The following TMEM67 variants were observed in gnomAD, a reference collection of about 807,000 sequenced individuals.
TMEM67 encodes the protein meckelin.
A neutral mutation model predicts 136.6 loss-of-function variants in TMEM67; 124 were observed. The observed-to-expected ratio is 0.91, with a 90% CI of 0.78 to 1.05. The LOEUF (loss-of-function observed/expected upper bound fraction) is 1.05, where lower values mean the gene tolerates loss of function less well. TMEM67 is among the 50% of genes least tolerant of loss of function. TMEM67 has a pLI of 0.00. For synonymous variants in TMEM67, 364 were observed against 390.5 expected (o/e 0.93, Z 0.80); for missense variants, 1,107 against 1,178.4 (o/e 0.94, Z 0.89).
intron 23 of TMEM67, among the ~76,000 whole-genome samples, chr8:93,808,450 T>G (rs1194925435): frequency 0.011 from 5 of 468 alleles, no homozygotes; most frequent in Middle Eastern, 0.5. Flanking sequence ...ATTTATTATA[T>G]ATAAATATAT....
chr8:93,789,612 T>G (rs1814276275), intron 14 of TMEM67, among the ~76,000 whole-genome samples: 1 of 149,362 alleles, frequency 6.7e-6, no homozygotes, highest in African/African-American at 2.5e-5. Context: ...GCCATTGCAC[T>G]CCAGCCTGGG....
At chr8:93,761,163 G>T (rs1812812878) in intron 3 of TMEM67, among the ~76,000 whole-genome samples, 2 of 152,102 alleles carry the variant, frequency 1.3e-5, no homozygotes, top group Non-Finnish European at 2.9e-5. Context: ...GCCTGGCATG[G>T]TGGCACATGC....
intron 18 of TMEM67, among the ~76,000 whole-genome samples, chr8:93,796,518 A>T (rs1260500977): frequency 6.6e-6 from 1 of 152,074 alleles, no homozygotes; most frequent in Non-Finnish European, 1.5e-5. Flanking sequence ...TGCTTTTTCC[A>T]CTGACTGGGA....
At position 93,781,619 on chromosome 8, in the gene TMEM67, A is replaced by G. The variant is rs1374358935; in HGVS notation, c.979-39A>G. The G allele has an allele frequency of 7.2e-6, 7 of 970,322 alleles. No homozygotes were observed. In the African/African-American group the frequency reaches 1.1e-4, roughly 16 times the overall value. 60.1% of individuals were successfully genotyped at this position (970,322 alleles called of 1,614,324 possible). A position where few individuals can be genotyped will look rare whatever the true frequency, so the allele number is the denominator to read the frequency against. ...CTTTATAGGATATTGTATTACTTTCAGAGTATTTGACCTGATTTTGCTCGT... is the reference window on the plus strand; with the variant it reads ...CTTTATAGGATATTGTATTACTTTCGGAGTATTTGACCTGATTTTGCTCGT... On this transcript the variant is annotated intron_variant, in intron 9 of 27. Coordinates refer to ENST00000453321, the MANE Select transcript of TMEM67 (RefSeq NM_153704.6).
In TMEM67 at chr8:93,786,266, A is replaced by T. The variant is rs1271809364; in HGVS notation, c.1332A>T (p.Leu444Phe). ...GGCTTCTAACTCGGCGCATTTTCTTAGTGGATGCAGTAAGTGGACGAGAAA... is the reference window on the plus strand; with the variant it reads ...GGCTTCTAACTCGGCGCATTTTCTTTGTGGATGCAGTAAGTGGACGAGAAA... ...GKWLLTRRIF[L>F]VDAVSGREND... The change falls in exon 13 of 28, where the codon TTA (leucine) becomes TTT (phenylalanine). Residue 444 changes from leucine (L) to phenylalanine (F), a missense_variant. Transcript: ENST00000453321. The T allele has an allele frequency of 6.2e-7, 1 of 1,613,924 alleles. No individual in the cohort carries two copies. Among genetic ancestry groups the T allele is most frequent in the Non-Finnish European group, 8.5e-7 (1 of 1,179,934 alleles).
chr8:93,755,708 A>G, intron 1 of TMEM67, 70 bp from the exon 2 acceptor site: 1 of 1,014,588 alleles, frequency 9.9e-7, no homozygotes, highest in Non-Finnish European at 1.5e-6. Flanking sequence ...TAAAAGTTTC[A>G]CTATCTGGGA....
rs765975740 is a variant in TMEM67 at position 93,781,640 on chromosome 8, CT to C, written c.979-17del. On this transcript the variant is annotated splice_polypyrimidine_tract_variant and intron_variant, in intron 9 of 27. Transcript: ENST00000453321. ...TTTCAGAGTATTTGACCTGATTTTG[CT>C]CGTTTTCTTTAATCAGAATACAAAA... 1 of 1,368,230 alleles carries C rather than the reference CT, an allele frequency of 7.3e-7. No homozygotes were observed. The highest frequency in any genetic ancestry group is 1.0e-6 in the Non-Finnish European group (1 of 968,010). 84.8% of individuals were successfully genotyped at this position (1,368,230 alleles called of 1,614,324 possible).
At chr8:93,810,707 T>C (rs939111322) in intron 26 of TMEM67, among the ~76,000 whole-genome samples, 1 of 152,190 alleles carries the variant, frequency 6.6e-6, no homozygotes, top group South Asian at 2.1e-4. Flanking sequence ...CAAGATTCTA[T>C]AAGAAAGTAT....
At chr8:93,772,374 C>T (rs999273796) in intron 6 of TMEM67, among the ~76,000 whole-genome samples, 11 of 152,086 alleles carry the variant, frequency 7.2e-5, no homozygotes, top group African/African-American at 2.7e-4. Flanking sequence ...ATTACAGACA[C>T]ATTTTGTCTC....
chr8:93,760,810 G>A (rs558781218), intron 3 of TMEM67, among the ~76,000 whole-genome samples: 4 of 152,082 alleles, frequency 2.6e-5, no homozygotes, highest in Admixed American at 2.0e-4. Context: ...GACAGAGGTC[G>A]AAGTTCTTCA....
At chr8:93,805,829 G>C (rs976960584) in intron 23 of TMEM67, among the ~76,000 whole-genome samples, 1 of 152,164 alleles carries the variant, frequency 6.6e-6, no homozygotes, top group Non-Finnish European at 1.5e-5. Flanking sequence ...GATGCTAAAC[G>C]ATTAAGTGAT....
At chr8:93,779,897 C>G (rs1190291326) in intron 7 of TMEM67, among the ~76,000 whole-genome samples, 1 of 152,192 alleles carries the variant, frequency 6.6e-6, no homozygotes, top group Non-Finnish European at 1.5e-5. Context: ...AGAACCACTG[C>G]TCTCTTCAGA....
chr8:93,818,490 A>G (rs546432857), downstream of TMEM67, among the ~76,000 whole-genome samples: 5 of 152,208 alleles, frequency 3.3e-5, no homozygotes, highest in Non-Finnish European at 4.4e-5. Context: ...ACATTGAGGA[A>G]CATTCAAAAT....
chr8:93,769,105 G>A (rs565131402), intron 6 of TMEM67, among the ~76,000 whole-genome samples: 71 of 152,326 alleles, frequency 4.7e-4, no homozygotes, highest in African/African-American at 1.7e-3. Flanking sequence ...GCACCTGAGG[G>A]ACAACCTGGA....
intron 25 of TMEM67, 115 bp downstream of exon 25, chr8:93,809,276 C>T: frequency 1.4e-6 from 1 of 707,226 alleles, no homozygotes; most frequent in South Asian, 1.5e-5. Context: ...AGAACCCCCA[C>T]CTTAAGACCT....
chr8:93,808,471 T>C (rs28487584), intron 23 of TMEM67, among the ~76,000 whole-genome samples: 2 of 146,898 alleles, frequency 1.4e-5, no homozygotes, highest in Non-Finnish European at 3.0e-5. Flanking sequence ...ATTTATCTAT[T>C]ATAGATATTT....
chr8:93,783,103 AAC>A (rs908808409), intron 11 of TMEM67, among the ~76,000 whole-genome samples: 3 of 152,010 alleles, frequency 2.0e-5, no homozygotes, highest in African/African-American at 7.2e-5. Flanking sequence ...CTCGTGCCTC[AAC>A]CACCTGAGTA....
downstream of TMEM67, among the ~76,000 whole-genome samples, chr8:93,820,486 C>T (rs915573895): frequency 6.6e-6 from 1 of 152,142 alleles, no homozygotes; most frequent in African/African-American, 2.4e-5. Context: ...TACATTGCCC[C>T]ACTGCCCATA....
chr8:93,786,486 A>G (rs893298942), intron 13 of TMEM67, 140 bp downstream of exon 13: 6 of 944,798 alleles, frequency 6.4e-6, no homozygotes, highest in Non-Finnish European at 9.8e-6. Context: ...GTAGATTGGC[A>G]TAGACCAGTA....
Sources: allele counts gnomAD v4.1 joint callset (sites outside exome capture counted in the v4.1 genomes callset), GRCh38; gene constraint gnomAD v4.1.1; transcripts MANE v1.5; gene names NCBI Gene and HGNC (gene_info 2026-07-23, HGNC 2026-07-21).